STK3: variants seen among roughly 807,000 people sequenced by gnomAD.
STK3 encodes the protein serine/threonine-protein kinase 3.
A neutral mutation model predicts 58.0 loss-of-function variants in STK3; 41 were observed. That is an observed-to-expected ratio of 0.71 (90% confidence interval 0.55 to 0.92). STK3 has a LOEUF of 0.92. Among genes scored for constraint, STK3 ranks in the 40% least tolerant of loss-of-function variants. The pLI, the probability that STK3 is intolerant of heterozygous loss-of-function variation, is 0.00. For synonymous variants in STK3, 170 were observed against 191.0 expected, an observed-to-expected ratio of 0.89 and a Z score of 0.91; for missense variants, 479 against 602.7, an observed-to-expected ratio of 0.79 and a Z score of 2.15.
At chr8:98,344,710 G>A in the STK3 span, among the ~76,000 whole-genome samples, 1 of 151,372 alleles carries the variant, frequency 6.6e-6, no homozygotes, top group African/African-American at 2.4e-5. Context: ...CGGCTAAAAC[G>A]GTGAAACCCC....
intron 1 of STK3, among the ~76,000 whole-genome samples, chr8:98,795,129 T>TATATATATATATATATATATATATATAC (rs1288218080): frequency 1.0e-5 from 1 of 95,934 alleles, no homozygotes; most frequent in African/African-American, 4.1e-5. Context: ...TATATATATA[T>TATATATATATATATATATATATATATAC]ACATACTAGT....
chr8:98,675,634 G>A (rs761340355), intron 6 of STK3, among the ~76,000 whole-genome samples: 15 of 152,012 alleles, frequency 9.9e-5, no homozygotes, highest in Non-Finnish European at 1.9e-4. Context: ...AGGCCGAGGT[G>A]GGTGGATCAC....
chr8:98,879,612 C>G (rs905115157), downstream of STK3: 3 of 152,176 alleles, frequency 2.0e-5, no homozygotes, highest in Non-Finnish European at 4.4e-5. Context: ...AGCTAATCCT[C>G]TATGTCAATC....
chr8:98,604,154 A>C lies in STK3; in HGVS notation c.685-7985T>G, dbSNP rs139939900. 2.7e-4 allele frequency among the ~76,000 whole-genome samples: 41 copies of C among 152,344 alleles called. No homozygotes were observed. The East Asian group carries it at 7.9e-3, about 29-fold the overall frequency. ...AATGTGGGCAGCCTTTAGAAGCTTGAAAAAGCAAGGAAACAAATTCTCTCT... is the reference window on the plus strand; with the variant it reads ...AATGTGGGCAGCCTTTAGAAGCTTGCAAAAGCAAGGAAACAAATTCTCTCT... On this transcript the variant is annotated intron_variant, in intron 6 of 10. Coordinates refer to ENST00000419617, the MANE Select transcript of STK3 (RefSeq NM_006281.4).
chr8:98,703,276 T>C (rs906359277), intron 6 of STK3, among the ~76,000 whole-genome samples: 1 of 152,182 alleles, frequency 6.6e-6, no homozygotes, highest in Non-Finnish European at 1.5e-5. Flanking sequence ...CAGAACAAAC[T>C]GAGTTCATAT....
intron 1 of STK3, among the ~76,000 whole-genome samples, chr8:98,934,562 A>C (rs1332701476): frequency 1.3e-5 from 2 of 152,248 alleles, no homozygotes; most frequent in Non-Finnish European, 2.9e-5. Context: ...AAAGCAGCAA[A>C]GGTGTCAGTG....
chr8:98,439,510 C>T (rs1217234846), intron 1 of STK3, among the ~76,000 whole-genome samples: 1 of 152,062 alleles, frequency 6.6e-6, no homozygotes, highest in Non-Finnish European at 1.5e-5. Flanking sequence ...CCAGATATTC[C>T]CCTCAGGTAA....
intron 9 of STK3, among the ~76,000 whole-genome samples, chr8:98,531,701 T>C (rs1826183279): frequency 6.6e-6 from 1 of 152,224 alleles, no homozygotes; most frequent in South Asian, 2.1e-4. Flanking sequence ...TTATTCTATA[T>C]TGAAATTCTG....
chr8:98,589,334 C>G (rs947809159), intron 7 of STK3, among the ~76,000 whole-genome samples: 3 of 152,176 alleles, frequency 2.0e-5, no homozygotes, highest in African/African-American at 7.2e-5. Flanking sequence ...CCCTCAGTTG[C>G]AGGTCTGTTG....
At chr8:98,744,172 G>A (rs1385237673) in intron 4 of STK3, among the ~76,000 whole-genome samples, 2 of 152,170 alleles carry the variant, frequency 1.3e-5, no homozygotes, top group Non-Finnish European at 2.9e-5. Flanking sequence ...AGGCAGTGTG[G>A]CGATTCCTCA....
chr8:98,421,371 A>AG (rs1818171526), intron 3 of STK3, among the ~76,000 whole-genome samples: 2 of 152,144 alleles, frequency 1.3e-5, no homozygotes, highest in Non-Finnish European at 2.9e-5. Context: ...TGAGGCTGAG[A>AG]GGGGCCCTGG....
chr8:98,618,245 C>G (rs1000150067), intron 6 of STK3, among the ~76,000 whole-genome samples: 1 of 150,166 alleles, frequency 6.7e-6, no homozygotes, highest in Non-Finnish European at 1.5e-5. Flanking sequence ...CAGAAAAAGC[C>G]TTTGACAAAA....
intron 4 of STK3, among the ~76,000 whole-genome samples, chr8:98,712,430 T>G (rs1443314712): frequency 6.6e-6 from 1 of 151,574 alleles, no homozygotes; most frequent in Non-Finnish European, 1.5e-5. Context: ...AATAAAAGGA[T>G]GGAGGAAGAT....
At chr8:98,700,831 T>C (rs903075996) in intron 6 of STK3, among the ~76,000 whole-genome samples, 1 of 152,146 alleles carries the variant, frequency 6.6e-6, no homozygotes, top group Non-Finnish European at 1.5e-5. Flanking sequence ...CCTTTCCCTA[T>C]GCTGAACAAC....
At chr8:98,929,311 A>G (rs1839924712) in intron 1 of STK3, among the ~76,000 whole-genome samples, 1 of 152,212 alleles carries the variant, frequency 6.6e-6, no homozygotes, top group African/African-American at 2.4e-5. Context: ...AAACTAAGGC[A>G]AATGAATGCC....
At chr8:98,867,892 A>C (rs1309621227) in intron 3 of STK3, among the ~76,000 whole-genome samples, 1 of 152,218 alleles carries the variant, frequency 6.6e-6, no homozygotes, top group Non-Finnish European at 1.5e-5. Flanking sequence ...TTTAGCTACT[A>C]TTATAACATT....
intron 6 of STK3, among the ~76,000 whole-genome samples, chr8:98,705,911 G>A (rs1825932069): frequency 1.3e-5 from 2 of 151,926 alleles, no homozygotes; most frequent in African/African-American, 2.4e-5. Flanking sequence ...GTTCACAGAA[G>A]CATATAATGA....
chr8:98,777,301 C>T (rs1831759172), intron 1 of STK3, among the ~76,000 whole-genome samples: 2 of 151,980 alleles, frequency 1.3e-5, no homozygotes, highest in African/African-American at 2.4e-5. Flanking sequence ...CCGAGGTAGG[C>T]GTATCCTTTG....
chr8:98,806,614 A>C lies in STK3; in HGVS notation c.26+18901T>G, dbSNP rs190377249. 8.7e-3 allele frequency among the ~76,000 whole-genome samples: 1,329 copies of C among 152,282 alleles called. 12 individuals are homozygous for C. The highest frequency in any genetic ancestry group is 0.03 in the African/African-American group (1,252 of 41,564). ...GTCCCTGTGTTAATGGAGCCTGTTA[A>C]ACAACCCAGTATTAGAAAACACTGG... On this transcript the variant is annotated intron_variant, in intron 1 of 10. Transcript: ENST00000419617.
Sources: gnomAD v4.1 joint callset for allele counts (sites outside exome capture counted in the v4.1 genomes callset) on GRCh38, gnomAD v4.1.1 for gene constraint, MANE v1.5 for transcripts, NCBI Gene and HGNC (gene_info 2026-07-23, HGNC 2026-07-21) for gene names.